SRP72: variants seen among roughly 807,000 people sequenced by gnomAD.
SRP72 encodes the protein signal recognition particle subunit SRP72.
In SRP72, 49 loss-of-function variants were observed where a neutral mutation model predicts 96.3. That is an observed-to-expected ratio of 0.51 (90% CI 0.40 to 0.65). SRP72 has a LOEUF of 0.65. Ranked by LOEUF, SRP72 falls within the 30% of genes least tolerant of loss-of-function variation. The probability of loss-of-function intolerance (pLI) is 0.00; values close to 1 mark genes in which losing one functional copy is unlikely to be tolerated. For synonymous variants in SRP72, 267 were observed against 275.2 expected, an observed-to-expected ratio of 0.97 and a Z score of 0.30; for missense variants, 736 against 793.3, an observed-to-expected ratio of 0.93 and a Z score of 0.87.
chr4:56,489,771 T>C (rs1332961075), intron 13 of SRP72, among the ~76,000 whole-genome samples: 3 of 152,206 alleles, frequency 2.0e-5, no homozygotes, highest in African/African-American at 7.2e-5. Context: ...TAGTACATGA[T>C]TGCATATTTA....
At chr4:56,488,704 T>G (rs1237873242) in intron 12 of SRP72, among the ~76,000 whole-genome samples, 4 of 152,248 alleles carry the variant, frequency 2.6e-5, no homozygotes, top group African/African-American at 9.6e-5. Flanking sequence ...GGTTGCTGAC[T>G]TTATTGGCAT....
chr4:56,476,808 C>A, intron 6 of SRP72, 106 bp downstream of exon 6: 1 of 1,162,888 alleles, frequency 8.6e-7, no homozygotes, highest in Non-Finnish European at 1.2e-6. Flanking sequence ...GATGGCAATT[C>A]ATTAAGTAGG....
intron 9 of SRP72, among the ~76,000 whole-genome samples, chr4:56,483,511 G>A (rs1560681688): frequency 6.6e-6 from 1 of 151,894 alleles, no homozygotes; most frequent in Non-Finnish European, 1.5e-5. Flanking sequence ...TCAAGAGTTC[G>A]AGACCAGCCT....
chr4:56,474,884 C>T (rs1240108464), intron 5 of SRP72, among the ~76,000 whole-genome samples: 3 of 152,200 alleles, frequency 2.0e-5, no homozygotes, highest in Admixed American at 1.3e-4. Flanking sequence ...TGGTTTTCGC[C>T]ATGTTGGCCA....
intron 8 of SRP72, 100 bp downstream of exon 8, chr4:56,478,749 A>G: frequency 3.2e-6 from 4 of 1,256,854 alleles, no homozygotes; most frequent in Non-Finnish European, 4.4e-6. Flanking sequence ...TCTTTTTAAC[A>G]TGATGAAAAA....
chr4:56,486,666 A>C (rs1454237706), intron 11 of SRP72, among the ~76,000 whole-genome samples: 4 of 152,176 alleles, frequency 2.6e-5, no homozygotes, highest in African/African-American at 9.7e-5. Context: ...CTTCCAAAAG[A>C]CCATACATAC....
Position 56,474,229 on chromosome 4 carries a change from A to T in SRP72, c.498+32A>T. 2 of 1,613,444 alleles carry T rather than the reference A, an allele frequency of 1.2e-6. 1 individual carries two copies. The highest frequency in any genetic ancestry group is 4.5e-5 in the East Asian group (2 of 44,874). ...ATCCTTGTGGTGTACCCATACAGTC[A>T]TGAATTATTATTCATATTTAGTATT... On this transcript the variant is annotated intron_variant, in intron 4 of 18. Coordinates refer to ENST00000642900, the MANE Select transcript of SRP72 (RefSeq NM_006947.4).
chr4:56,483,211 A>G lies in SRP72; in HGVS notation c.898A>G (p.Lys300Glu). ...NAEGVEFKLSKKQLQAIEFNK... is the reference protein window; with the variant it reads ...NAEGVEFKLSEKQLQAIEFNK... ...GGAAGGAGTAGAGTTTAAGCTTTCC[A>G]AGAAACAACTACAAGCTATAGAATT... Residue 300 changes from lysine to glutamate, a missense_variant, in exon 9 of 19, where the codon AAG (lysine) becomes GAG (glutamate). Transcript: ENST00000642900. 6.2e-7 allele frequency: 1 copy of G among 1,612,514 alleles called. No homozygotes were observed. Among genetic ancestry groups the G allele is most frequent in the Non-Finnish European group, 8.5e-7 (1 of 1,179,798 alleles).
rs1357764219 is a variant in SRP72, at chr4:56,478,666, C to T, written c.825+17C>T. ...ATTAACAAGGTATGGAGTATTTGTG[C>T]TTTCCATAGATATATTTTACCCTGA... On this transcript the variant is annotated intron_variant, in intron 8 of 18. Coordinates refer to ENST00000642900, the MANE Select transcript of SRP72 (RefSeq NM_006947.4). 4 of 1,608,104 alleles carry T rather than the reference C, an allele frequency of 2.5e-6. No homozygotes were observed. The highest frequency in any genetic ancestry group is 3.4e-6 in the Non-Finnish European group (4 of 1,176,936).
chr4:56,480,151 G>A (rs1184660993), intron 8 of SRP72, among the ~76,000 whole-genome samples: 1 of 152,158 alleles, frequency 6.6e-6, no homozygotes, highest in Non-Finnish European at 1.5e-5. Flanking sequence ...ATCATGGGAG[G>A]TTGCTGTTGG....
chr4:56,485,395 C>T (rs761911463), intron 10 of SRP72, among the ~76,000 whole-genome samples: 2 of 128,370 alleles, frequency 1.6e-5, no homozygotes, highest in East Asian at 5.2e-4. Flanking sequence ...CTTCTCTCCC[C>T]ACAGCAAAAA....
chr4:56,490,756 C>T (rs1720877702), intron 15 of SRP72, 111 bp downstream of exon 15: 5 of 885,406 alleles, frequency 5.6e-6, no homozygotes, highest in Non-Finnish European at 8.4e-6. Context: ...CTAACAAATC[C>T]TCCTTTTAAC....
chr4:56,474,690 C>T (rs566163199), intron 5 of SRP72, among the ~76,000 whole-genome samples: 13 of 152,050 alleles, frequency 8.5e-5, no homozygotes, highest in East Asian at 7.8e-4. Context: ...ATTATAGGTG[C>T]GCGTCACCAC....
At chr4:56,490,776 C>CA in intron 15 of SRP72, 131 bp downstream of exon 15, 1 of 717,194 alleles carries the variant, frequency 1.4e-6, no homozygotes, top group Non-Finnish European at 2.2e-6. Context: ...CTAGTAAAAC[C>CA]AAAAAATGAG....
At chr4:56,481,848 T>C (rs969358141) in intron 8 of SRP72, among the ~76,000 whole-genome samples, 5 of 149,820 alleles carry the variant, frequency 3.3e-5, no homozygotes, top group African/African-American at 1.2e-4. Flanking sequence ...CTCAGCTCAC[T>C]GCAACCTCCC....
intron 6 of SRP72, 117 bp from the exon 7 acceptor site, chr4:56,478,262 A>C: frequency 1.9e-6 from 2 of 1,045,664 alleles, no homozygotes; most frequent in Non-Finnish European, 2.6e-6. Flanking sequence ...ACTCTAAGGG[A>C]AAATTTCTGA....
At chr4:56,468,044 CTG>C (rs1228185812) in intron 1 of SRP72, among the ~76,000 whole-genome samples, 3 of 152,248 alleles carry the variant, frequency 2.0e-5, no homozygotes, top group African/African-American at 7.2e-5. Context: ...CCATTTCAAA[CTG>C]TTTTCTTATT....
intron 11 of SRP72, 134 bp from the exon 12 acceptor site, chr4:56,487,814 GT>G: frequency 1.5e-6 from 1 of 647,698 alleles, no homozygotes; most frequent in Non-Finnish European, 2.7e-6. Flanking sequence ...AAGTTTATAT[GT>G]TTAGCGATGT....
In SRP72 at chr4:56,500,639, G is replaced by A; in HGVS notation, c.1782G>A (p.Lys594=). ...ACCGGGGAAGAAAGAAGGGTAAAAAGAAGGATCAGATTGGAAAAGGGACCC... is the reference window on the plus strand; with the variant it reads ...ACCGGGGAAGAAAGAAGGGTAAAAAAAAGGATCAGATTGGAAAAGGGACCC... The part of the protein sequence containing the change: ...SYYRGRKKGK[K]KDQIGKGTQG... Residue 594 remains lysine (K), a synonymous_variant, in exon 18 of 19, where the codon AAG becomes AAA. Transcript: ENST00000642900. 6.2e-7 allele frequency: 1 copy of A among 1,613,978 alleles called. No homozygotes were observed. Among genetic ancestry groups the A allele is most frequent in the Non-Finnish European group, 8.5e-7 (1 of 1,179,922 alleles).
Sources: gnomAD v4.1 joint callset for allele counts (sites outside exome capture counted in the v4.1 genomes callset) on GRCh38, gnomAD v4.1.1 for gene constraint, MANE v1.5 for transcripts, NCBI Gene and HGNC (gene_info 2026-07-23, HGNC 2026-07-21) for gene names.